Variants in CADM2 observed in about 807,000 individuals in gnomAD.
The protein encoded by CADM2 is cell adhesion molecule 2, also known as immunoglobulin superfamily member 4D.
In CADM2, 12 loss-of-function variants were observed where a neutral mutation model predicts 49.8. That is an observed-to-expected ratio of 0.24 (90% confidence interval 0.15 to 0.39). The LOEUF (loss-of-function observed/expected upper bound fraction) is 0.39, where lower values mean the gene tolerates loss of function less well. CADM2 is among the 10% of genes least tolerant of loss of function. The probability of loss-of-function intolerance (pLI) is 1.00; values close to 1 mark genes in which losing one functional copy is unlikely to be tolerated. For synonymous variants in CADM2, 214 were observed against 175.4 expected, an observed-to-expected ratio of 1.22 and a Z score of -1.74; for missense variants, 378 against 492.3, an observed-to-expected ratio of 0.77 and a Z score of 2.20.
intron 1 of CADM2, among the ~76,000 whole-genome samples, chr3:85,143,575 T>A (rs992629080): frequency 1.3e-5 from 2 of 152,216 alleles, no homozygotes; most frequent in African/African-American, 4.8e-5. Context: ...TTGTTTTTGT[T>A]AATTGTATGC....
intron 1 of CADM2, among the ~76,000 whole-genome samples, chr3:85,463,721 A>G (rs997664950): frequency 2.0e-5 from 3 of 152,168 alleles, no homozygotes; most frequent in Non-Finnish European, 4.4e-5. Context: ...GGTGTGGAAA[A>G]TAATTTTACT....
Position 85,288,791 on chromosome 3 carries a change from C to A in CADM2, c.61+329123C>A, listed in dbSNP as rs901625069. On this transcript the variant is annotated intron_variant, in intron 1 of 9. Transcript: ENST00000383699. ...ATTCTGCTTTACCAATATGCCCCCC[C>A]CCCCTCTTTTTTTCCATCATGGCTA... 4.5e-5 allele frequency among the ~76,000 whole-genome samples: 6 copies of A among 133,950 alleles called. 1 individual carries two copies. The highest frequency in any genetic ancestry group is 9.9e-5 in the Non-Finnish European group (6 of 60,358). The allele number at this position is 133,950 out of a possible 152,430, so 87.9% of individuals were successfully genotyped here.
intron 2 of CADM2, among the ~76,000 whole-genome samples, chr3:85,785,752 T>C (rs1452974843): frequency 6.6e-6 from 1 of 152,112 alleles, no homozygotes; most frequent in Non-Finnish European, 1.5e-5. Context: ...TGGAGTCTAT[T>C]TAAGCATTTT....
chr3:85,052,334 C>T (rs2035912042), intron 1 of CADM2, among the ~76,000 whole-genome samples: 1 of 152,050 alleles, frequency 6.6e-6, no homozygotes, highest in African/African-American at 2.4e-5. Context: ...TTTCCAATAA[C>T]AACTGACATA....
intron 6 of CADM2, among the ~76,000 whole-genome samples, chr3:85,924,754 T>G (rs929173008): frequency 2.6e-5 from 4 of 152,190 alleles, no homozygotes; most frequent in Non-Finnish European, 4.4e-5. Flanking sequence ...ATGCCTCTCC[T>G]AGATACACTC....
chr3:85,895,187 G>GT (rs1205958341), intron 5 of CADM2, among the ~76,000 whole-genome samples: 1 of 152,176 alleles, frequency 6.6e-6, no homozygotes, highest in Non-Finnish European at 1.5e-5. Context: ...ATCCATCTGG[G>GT]TGCAGCTGCC....
intron 8 of CADM2, among the ~76,000 whole-genome samples, chr3:86,041,229 C>A (rs1735874376): frequency 6.6e-6 from 1 of 152,134 alleles, no homozygotes. Flanking sequence ...TCACACATAA[C>A]AATATTAATC....
intron 1 of CADM2, among the ~76,000 whole-genome samples, chr3:85,398,644 T>G (rs534232949): frequency 6.6e-6 from 1 of 152,320 alleles, no homozygotes; most frequent in South Asian, 2.1e-4. Context: ...TGTTCCTATT[T>G]CTCCACATCC....
chr3:86,055,078 T>C (rs185092001), intron 8 of CADM2, among the ~76,000 whole-genome samples: 1 of 152,274 alleles, frequency 6.6e-6, no homozygotes, highest in African/African-American at 2.4e-5. Context: ...CACTGTGAAA[T>C]GAATTTTAGC....
intron 1 of CADM2, among the ~76,000 whole-genome samples, chr3:85,317,887 G>C (rs2044506154): frequency 6.6e-6 from 1 of 152,140 alleles, no homozygotes; most frequent in Non-Finnish European, 1.5e-5. Flanking sequence ...AGAGACTATA[G>C]AATAAGAAGG....
chr3:85,151,887 T>C (rs2039932940), intron 1 of CADM2, among the ~76,000 whole-genome samples: 1 of 152,218 alleles, frequency 6.6e-6, no homozygotes, highest in African/African-American at 2.4e-5. Flanking sequence ...AAAATTTGCT[T>C]AAAGCAATGC....
chr3:85,471,514 T>C (rs925173142), intron 1 of CADM2, among the ~76,000 whole-genome samples: 2 of 151,932 alleles, frequency 1.3e-5, no homozygotes, highest in African/African-American at 4.8e-5. Context: ...AGACTCAAAA[T>C]AAAAGGCAGA....
chr3:85,044,407 C>T (rs945998204), intron 1 of CADM2, among the ~76,000 whole-genome samples: 4 of 152,102 alleles, frequency 2.6e-5, no homozygotes, highest in African/African-American at 4.8e-5. Flanking sequence ...TTTGTTATAG[C>T]ACTGAATGAT....
At chr3:85,841,529 T>G (rs2074637213) in intron 3 of CADM2, among the ~76,000 whole-genome samples, 1 of 152,184 alleles carries the variant, frequency 6.6e-6, no homozygotes, top group East Asian at 1.9e-4. Flanking sequence ...GAGTCCACAC[T>G]GTTTTCAGCT....
chr3:85,157,794 T>A (rs2040184064), intron 1 of CADM2, among the ~76,000 whole-genome samples: 1 of 152,034 alleles, frequency 6.6e-6, no homozygotes, highest in Non-Finnish European at 1.5e-5. Flanking sequence ...GGACTTCATG[T>A]CTAAAACACC....
intron 1 of CADM2, among the ~76,000 whole-genome samples, chr3:85,029,291 A>T (rs1035639207): frequency 6.6e-6 from 1 of 152,214 alleles, no homozygotes; most frequent in African/African-American, 2.4e-5. Context: ...ATGGACATTT[A>T]TGAGCTGAAT....
In CADM2 at chr3:85,256,455, C is replaced by T. The variant is rs140007555; in HGVS notation, c.61+296787C>T. ...AATGCACCTGTGAAAACTAAGTGCT[C>T]CTATTCAAAAAGAGCTACAACTCTG... On this transcript the variant is annotated intron_variant, in intron 1 of 9. Transcript: ENST00000383699. Among the ~76,000 whole-genome samples, 10 of 152,096 alleles carry T rather than the reference C, an allele frequency of 6.6e-5. 1 individual carries two copies. The highest frequency in any genetic ancestry group is 2.4e-4 in the African/African-American group (10 of 41,526).
chr3:85,292,792 G>A (rs11920173), intron 1 of CADM2, among the ~76,000 whole-genome samples: 99 of 152,288 alleles, frequency 6.5e-4, no homozygotes, highest in African/African-American at 2.3e-3. Context: ...TAAAAGCAGT[G>A]TGTAGAGGGA....
intron 2 of CADM2, among the ~76,000 whole-genome samples, chr3:85,749,213 A>C (rs2068756973): frequency 1.3e-5 from 2 of 151,758 alleles, no homozygotes; most frequent in Admixed American, 1.3e-4. Flanking sequence ...CAACAACAAA[A>C]AACTGATATC....
Sources: allele counts gnomAD v4.1 joint callset (sites outside exome capture counted in the v4.1 genomes callset), GRCh38; gene constraint gnomAD v4.1.1; transcripts MANE v1.5; gene names NCBI Gene and HGNC (gene_info 2026-07-23, HGNC 2026-07-21).